The following GRIK1 variants were observed in gnomAD, a reference collection of about 807,000 sequenced individuals.
GRIK1 encodes glutamate ionotropic receptor kainate type subunit 1, also known as glutamate receptor ionotropic, kainate 1.
Under a neutral mutation model 105.7 loss-of-function variants are expected in GRIK1, and 69 were observed. The ratio of observed to expected loss-of-function variants is 0.65; its 90% CI spans 0.54 to 0.80. GRIK1 has a LOEUF of 0.80. GRIK1 is among the 30% of genes least tolerant of loss of function. The pLI, the probability that GRIK1 is intolerant of heterozygous loss-of-function variation, is 0.00. For missense variants in GRIK1, 1,109 were observed against 1,167.3 expected (o/e 0.95, Z 0.73); for synonymous variants, 438 against 431.3 (o/e 1.02, Z -0.19).
rs62210286 is a variant in GRIK1 at position 29,926,544 on chromosome 21, A to G, written c.118+12839T>C. Among the ~76,000 whole-genome samples the G allele has an allele frequency of 1.1e-3, 164 of 152,296 alleles. 1 individual carries two copies. Among genetic ancestry groups the G allele is most frequent in the Non-Finnish European group, 2.0e-3 (137 of 68,020 alleles). Reference sequence around the variant, plus strand: ...TTCTGGGGCCTTAGTATTCTCAGTTATGAAATGAAAAAGTTGGACTTTAGG... The same window carrying G: ...TTCTGGGGCCTTAGTATTCTCAGTTGTGAAATGAAAAAGTTGGACTTTAGG... On this transcript the variant is annotated intron_variant, in intron 1 of 17. Coordinates refer to ENST00000327783, the MANE Select transcript of GRIK1 (RefSeq NM_001330994.2).
chr21:29,789,901 T>A (rs1233753226), intron 1 of GRIK1, among the ~76,000 whole-genome samples: 2 of 152,130 alleles, frequency 1.3e-5, no homozygotes, highest in Non-Finnish European at 2.9e-5. Flanking sequence ...GCCTATAAAG[T>A]TTTAGTAAGA....
At chr21:29,706,101 T>C (rs931534704) in intron 1 of GRIK1, among the ~76,000 whole-genome samples, 5 of 152,178 alleles carry the variant, frequency 3.3e-5, no homozygotes, top group African/African-American at 1.2e-4. Flanking sequence ...CTCAAACTCC[T>C]GACCTCAGAT....
intron 4 of GRIK1, among the ~76,000 whole-genome samples, chr21:29,664,542 A>G (rs1410715771): frequency 2.0e-5 from 3 of 152,108 alleles, no homozygotes; most frequent in Non-Finnish European, 2.9e-5. Context: ...CGTCTAACAC[A>G]TTAGAGTTTT....
intron 1 of GRIK1, among the ~76,000 whole-genome samples, chr21:29,837,432 T>A (rs2067838482): frequency 6.6e-6 from 1 of 152,168 alleles, no homozygotes; most frequent in Non-Finnish European, 1.5e-5. Context: ...TATTTATAAC[T>A]CATTGTGAAT....
At chr21:29,575,665 C>T (rs150774951) in intron 14 of GRIK1, among the ~76,000 whole-genome samples, 4 of 151,950 alleles carry the variant, frequency 2.6e-5, no homozygotes, top group Admixed American at 6.6e-5. Flanking sequence ...AACCCTGTCT[C>T]TACTAAAAAT....
intron 1 of GRIK1, among the ~76,000 whole-genome samples, chr21:29,887,808 A>G (rs531665009): frequency 6.6e-6 from 1 of 152,200 alleles, no homozygotes; most frequent in Non-Finnish European, 1.5e-5. Flanking sequence ...GGAATGTGGA[A>G]GAAATTTCCA....
At chr21:29,775,058 C>T (rs1244700165) in intron 1 of GRIK1, among the ~76,000 whole-genome samples, 4 of 152,072 alleles carry the variant, frequency 2.6e-5, no homozygotes, top group East Asian at 3.9e-4. Flanking sequence ...GTAGCTCACG[C>T]CTGTAATCCC....
At chr21:29,667,898 C>T (rs1024641693) in intron 4 of GRIK1, among the ~76,000 whole-genome samples, 3 of 152,188 alleles carry the variant, frequency 2.0e-5, no homozygotes, top group African/African-American at 7.2e-5. Context: ...AAATCACAGG[C>T]TCAAATGCAT....
chr21:29,690,607 A>C (rs545290231), intron 2 of GRIK1, among the ~76,000 whole-genome samples: 86 of 152,374 alleles, frequency 5.6e-4, no homozygotes, highest in Non-Finnish European at 8.4e-4. Context: ...CTCATTTCAT[A>C]GACAATGAAG....
chr21:29,659,158 T>A (rs1408279354), intron 4 of GRIK1, among the ~76,000 whole-genome samples: 2 of 152,160 alleles, frequency 1.3e-5, no homozygotes, highest in Admixed American at 6.5e-5. Flanking sequence ...TTAAAAACAT[T>A]TATTAGTTTG....
chr21:29,833,582 A>G (rs777878094), intron 1 of GRIK1, among the ~76,000 whole-genome samples: 33 of 152,168 alleles, frequency 2.2e-4, no homozygotes, highest in Non-Finnish European at 4.6e-4. Context: ...AGGAAAAGAG[A>G]TGGAGGGTAG....
At chr21:29,775,383 T>C (rs915724361) in intron 1 of GRIK1, among the ~76,000 whole-genome samples, 4 of 152,006 alleles carry the variant, frequency 2.6e-5, no homozygotes, top group African/African-American at 4.8e-5. Context: ...GTTGGACTTA[T>C]AGACTTGTAG....
At chr21:29,582,983 T>A (rs2091054236) in intron 12 of GRIK1, among the ~76,000 whole-genome samples, 1 of 152,050 alleles carries the variant, frequency 6.6e-6, no homozygotes, top group African/African-American at 2.4e-5. Flanking sequence ...CACAAGGAAA[T>A]GAGCAGACAA....
intron 1 of GRIK1, among the ~76,000 whole-genome samples, chr21:29,936,368 T>C (rs73349526): frequency 0.022 from 3,368 of 152,342 alleles, 148 homozygotes; most frequent in African/African-American, 0.077. Flanking sequence ...GGGCCACGTC[T>C]ACTAAGTTTA....
At chr21:29,856,790 C>T (rs2068477643) in intron 1 of GRIK1, among the ~76,000 whole-genome samples, 1 of 152,120 alleles carries the variant, frequency 6.6e-6, no homozygotes, top group South Asian at 2.1e-4. Context: ...AGGCAGGTAG[C>T]TTACAGAAAT....
chr21:29,726,421 T>A (rs893452617), intron 1 of GRIK1, among the ~76,000 whole-genome samples: 13 of 152,182 alleles, frequency 8.5e-5, no homozygotes, highest in African/African-American at 3.1e-4. Context: ...AAAGTCAAAA[T>A]ATGTGAGCTT....
At chr21:29,924,210 C>T (rs1306003803) in intron 1 of GRIK1, among the ~76,000 whole-genome samples, 17 of 151,416 alleles carry the variant, frequency 1.1e-4, no homozygotes, top group African/African-American at 4.1e-4. Flanking sequence ...TGGTGGCGGG[C>T]GCCTGTAATC....
intron 1 of GRIK1, 54 bp from the exon 2 acceptor site, chr21:29,694,117 ATTTTTTTTTT>A (rs11434895): frequency 3.2e-4 from 141 of 437,438 alleles, no homozygotes; most frequent in Admixed American, 1.2e-3. Context: ...TTCACATGTA[ATTTTTTTTTT>A]TTTTTTTTTT....
chr21:29,562,676 T>A (rs911789112), intron 14 of GRIK1, among the ~76,000 whole-genome samples: 2 of 151,702 alleles, frequency 1.3e-5, no homozygotes, highest in Middle Eastern at 3.2e-3. Flanking sequence ...AGAAGAAAAA[T>A]CTTCATACTG....
Sources: allele counts gnomAD v4.1 joint callset (sites outside exome capture counted in the v4.1 genomes callset), GRCh38; gene constraint gnomAD v4.1.1; transcripts MANE v1.5; gene names NCBI Gene and HGNC (gene_info 2026-07-23, HGNC 2026-07-21).